The following SBF2 variants were observed in gnomAD, a reference collection of about 807,000 sequenced individuals.
SBF2 encodes the protein SET binding factor 2, also known as myotubularin-related protein 13.
SBF2 carries 112 observed loss-of-function variants against 225.2 expected under a neutral mutation model. The ratio of observed to expected loss-of-function variants is 0.50; its 90% CI spans 0.43 to 0.58. The LOEUF (loss-of-function observed/expected upper bound fraction) is 0.58, where lower values mean the gene tolerates loss of function less well. Among genes scored for constraint, SBF2 ranks in the 20% least tolerant of loss-of-function variants. The probability of loss-of-function intolerance (pLI) is 0.00; values close to 1 mark genes in which losing one functional copy is unlikely to be tolerated. For synonymous variants in SBF2, 763 were observed against 773.3 expected (o/e 0.99, Z 0.22); for missense variants, 1,996 against 2,206.2 (o/e 0.90, Z 1.91).
intron 1 of SBF2, among the ~76,000 whole-genome samples, chr11:10,259,794 A>T (rs1369879166): frequency 1.3e-5 from 2 of 152,118 alleles, no homozygotes; most frequent in Admixed American, 1.3e-4. Context: ...AATAAAAAAT[A>T]ATTTTTTATT....
chr11:9,928,939 T>C, intron 16 of SBF2: 1 of 436,634 alleles, frequency 2.3e-6, no homozygotes, highest in South Asian at 1.9e-5. Flanking sequence ...ATTTTCTTGT[T>C]CGAGTTCAAA....
At chr11:10,100,514 C>T (rs1215142898) in intron 2 of SBF2, among the ~76,000 whole-genome samples, 1 of 152,244 alleles carries the variant, frequency 6.6e-6, no homozygotes. Context: ...AATAGAGAAA[C>T]AGTCCTGGGG....
chr11:10,201,980 C>CA (rs1957585552), intron 1 of SBF2, among the ~76,000 whole-genome samples: 1 of 152,174 alleles, frequency 6.6e-6, no homozygotes, highest in African/African-American at 2.4e-5. Flanking sequence ...CTTATAAACT[C>CA]ACAGTTCACT....
intron 2 of SBF2, among the ~76,000 whole-genome samples, chr11:10,075,598 G>C (rs1951066808): frequency 6.6e-6 from 1 of 152,104 alleles, no homozygotes; most frequent in Admixed American, 6.6e-5. Flanking sequence ...AAAGTGTATA[G>C]CACTTTCCCC....
rs561849664 is a variant in SBF2, at chr11:9,853,521, A to G, written c.2536+19T>C. On this transcript the variant is annotated intron_variant, in intron 20 of 39. Coordinates refer to ENST00000256190, the MANE Select transcript of SBF2 (RefSeq NM_030962.4). ...TAATCTCCAATATTCTGATTCTCTAATATCTGCAGAGTGATTACCTGGTAT... is the reference window on the plus strand; with the variant it reads ...TAATCTCCAATATTCTGATTCTCTAGTATCTGCAGAGTGATTACCTGGTAT... The G allele has an allele frequency of 6.2e-7, 1 of 1,609,244 alleles. No homozygotes were observed. Among genetic ancestry groups the G allele is most frequent in the African/African-American group, 1.3e-5 (1 of 74,942 alleles).
intron 17 of SBF2, among the ~76,000 whole-genome samples, chr11:9,868,322 G>A (rs897339200): frequency 2.5e-4 from 25 of 99,816 alleles, no homozygotes; most frequent in African/African-American, 6.9e-4. Context: ...GTGAAATCCC[G>A]TCTCTACAAA....
rs1260020946 is a variant in SBF2, at chr11:9,832,438, A to G, written c.3456-18T>C. The G allele has an allele frequency of 3.2e-6, 5 of 1,583,874 alleles. No homozygotes were observed. The highest frequency in any genetic ancestry group is 4.3e-6 in the Non-Finnish European group (5 of 1,152,764). On this transcript the variant is annotated intron_variant, in intron 26 of 39. Transcript: ENST00000256190. Reference sequence around the variant, plus strand: ...CAGGATAGCTTCAGAGACATAGAATAGAGAAGAGAATGATTGGGGGAAGGA... The same window carrying G: ...CAGGATAGCTTCAGAGACATAGAATGGAGAAGAGAATGATTGGGGGAAGGA...
intron 2 of SBF2, among the ~76,000 whole-genome samples, chr11:10,108,564 G>A (rs921257620): frequency 6.2e-4 from 73 of 117,064 alleles, no homozygotes; most frequent in African/African-American, 2.2e-3. Context: ...TCGCTCTGTC[G>A]CCCAGGCTGG....
rs374144072 is a variant in SBF2, at chr11:9,850,236, T to C, written c.2611-18A>G. ...ATCTTGGGCTTACAACAGAAAAAGATTGATTGATTGATTGATTGACTAATT... is the reference window on the plus strand; with the variant it reads ...ATCTTGGGCTTACAACAGAAAAAGACTGATTGATTGATTGATTGACTAATT... On this transcript the variant is annotated intron_variant, in intron 21 of 39. Coordinates refer to ENST00000256190, the MANE Select transcript of SBF2 (RefSeq NM_030962.4). 58 of 1,584,796 alleles carry C rather than the reference T, an allele frequency of 3.7e-5. No individual in the cohort carries two copies. The highest frequency in any genetic ancestry group is 4.2e-5 in the Non-Finnish European group (49 of 1,163,824).
At chr11:9,969,453 A>AACACCCTACTT (rs1465324840) in intron 13 of SBF2, among the ~76,000 whole-genome samples, 1 of 152,218 alleles carries the variant, frequency 6.6e-6, no homozygotes, top group African/African-American at 2.4e-5. Context: ...AAGTTCTTAA[A>AACACCCTACTT]ACAACTTACA....
rs143450199 is a variant in SBF2, at chr11:9,938,147, C to T, written c.1860+23810G>A. Among the ~76,000 whole-genome samples, 1,136 of 151,898 alleles carry T rather than the reference C, an allele frequency of 7.5e-3. 14 individuals are homozygous for T. Among genetic ancestry groups the T allele is most frequent in the East Asian group, 0.025 (131 of 5,158 alleles). On this transcript the variant is annotated intron_variant, in intron 16 of 39. Coordinates refer to ENST00000256190, the MANE Select transcript of SBF2 (RefSeq NM_030962.4). ...TCCACTAAAAATACAAAAAATTAGC[C>T]GGGCGTGGTGGCGGGCGCCTCTAGT... is the stretch of plus-strand genomic sequence containing the variant.
chr11:9,950,941 A>T (rs776777513), intron 16 of SBF2, among the ~76,000 whole-genome samples: 32 of 152,232 alleles, frequency 2.1e-4, no homozygotes, highest in Non-Finnish European at 2.9e-4. Flanking sequence ...ATACATGTCA[A>T]CAGGCAATAT....
At chr11:10,022,756 T>C (rs1468934808) in intron 6 of SBF2, among the ~76,000 whole-genome samples, 1 of 152,208 alleles carries the variant, frequency 6.6e-6, no homozygotes, top group Non-Finnish European at 1.5e-5. Flanking sequence ...AAAAGTTGGA[T>C]GTCTTTTAAA....
intron 32 of SBF2, among the ~76,000 whole-genome samples, chr11:9,801,288 T>C (rs1853478190): frequency 6.6e-6 from 1 of 152,224 alleles, no homozygotes; most frequent in East Asian, 1.9e-4. Flanking sequence ...TTTTCCGTTA[T>C]GGAGTGAAAC....
intron 16 of SBF2, among the ~76,000 whole-genome samples, chr11:9,916,846 A>C (rs1863139523): frequency 6.6e-6 from 1 of 151,788 alleles, no homozygotes; most frequent in South Asian, 2.1e-4. Context: ...CAGCCTCCCA[A>C]GTGCTAAGAG....
At chr11:9,890,678 T>C (rs1860726949) in intron 17 of SBF2, among the ~76,000 whole-genome samples, 2 of 152,130 alleles carry the variant, frequency 1.3e-5, no homozygotes, top group South Asian at 4.2e-4. Flanking sequence ...CTCCTGGGAG[T>C]CATTTTGAGT....
At chr11:9,929,137 C>T in intron 16 of SBF2, 1 of 257,076 alleles carries the variant, frequency 3.9e-6, no homozygotes, top group East Asian at 1.1e-4. Flanking sequence ...AAAGCTCATC[C>T]TTTTACAACT....
chr11:10,003,950 T>C (rs115484334), intron 6 of SBF2, among the ~76,000 whole-genome samples: 155 of 152,300 alleles, frequency 1.0e-3, no homozygotes, highest in Middle Eastern at 3.4e-3. Context: ...CAAGGTAAAA[T>C]ACTATATTTT....
chr11:9,998,474 C>A, intron 8 of SBF2, 95 bp from the exon 9 acceptor site: 1 of 721,398 alleles, frequency 1.4e-6, no homozygotes, highest in South Asian at 1.7e-5. Flanking sequence ...CGAGAAGAAT[C>A]AGATGTGGAA....
Sources: gnomAD v4.1 joint callset for allele counts (sites outside exome capture counted in the v4.1 genomes callset) on GRCh38, gnomAD v4.1.1 for gene constraint, MANE v1.5 for transcripts, NCBI Gene and HGNC (gene_info 2026-07-23, HGNC 2026-07-21) for gene names.